Variants in TENM2 observed in about 807,000 individuals in gnomAD.
TENM2 encodes the protein teneurin transmembrane protein 2.
In TENM2, 52 loss-of-function variants were observed where a neutral mutation model predicts 245.2. The ratio of observed to expected loss-of-function variants is 0.21; its 90% CI spans 0.17 to 0.27. The LOEUF is 0.27. Ranked by LOEUF, TENM2 falls within the 10% of genes least tolerant of loss-of-function variation. The pLI is 1.00. For synonymous variants in TENM2, 1,363 were observed against 1,438.9 expected, an observed-to-expected ratio of 0.95 and a Z score of 1.19; for missense variants, 3,046 against 3,666.8, an observed-to-expected ratio of 0.83 and a Z score of 4.37.
At chr5:167,161,898 G>A in the TENM2 span, among the ~76,000 whole-genome samples, 3 of 152,148 alleles carry the variant, frequency 2.0e-5, no homozygotes, top group Non-Finnish European at 2.9e-5. Context: ...GCCGGGTGCA[G>A]TGGCTCACAC....
chr5:167,691,585 C>G (rs895331526), intron 2 of TENM2, among the ~76,000 whole-genome samples: 1 of 152,314 alleles, frequency 6.6e-6, no homozygotes, highest in East Asian at 1.9e-4. Context: ...CTGCCTTCCC[C>G]GCTTCTGTCC....
intron 2 of TENM2, among the ~76,000 whole-genome samples, chr5:167,726,484 G>T (rs1232197367): frequency 6.6e-6 from 1 of 152,062 alleles, no homozygotes; most frequent in Non-Finnish European, 1.5e-5. Context: ...TTTAGAGACA[G>T]GGTCTTACTC....
At chr5:167,370,697 T>G (rs115943683) in intron 1 of TENM2, among the ~76,000 whole-genome samples, 747 of 152,368 alleles carry the variant, frequency 4.9e-3, no homozygotes, top group Non-Finnish European at 7.5e-3. Context: ...ATCATCTATA[T>G]GCACTTTTAT....
chr5:168,189,822 G>C (rs1006583283), intron 13 of TENM2, among the ~76,000 whole-genome samples: 5 of 152,038 alleles, frequency 3.3e-5, no homozygotes, highest in Non-Finnish European at 5.9e-5. Context: ...TGCCCAGGTT[G>C]GTCTCGAATT....
intron 23 of TENM2, among the ~76,000 whole-genome samples, chr5:168,225,171 T>C (rs567999924): frequency 1.3e-5 from 2 of 152,214 alleles, no homozygotes; most frequent in South Asian, 2.1e-4. Context: ...AGTGGAGCCA[T>C]GGCGGTTTAG....
intron 12 of TENM2, among the ~76,000 whole-genome samples, chr5:168,146,217 A>C (rs1260982401): frequency 6.6e-6 from 1 of 151,926 alleles, no homozygotes; most frequent in Non-Finnish European, 1.5e-5. Context: ...CCAACTTCCA[A>C]CTCTTTTTTA....
intron 7 of TENM2, among the ~76,000 whole-genome samples, chr5:168,068,560 A>G (rs997814947): frequency 1.3e-5 from 2 of 152,170 alleles, no homozygotes; most frequent in Admixed American, 6.6e-5. Context: ...GTATAAATAT[A>G]TATGTGTGGA....
In TENM2 at chr5:168,039,860, C is replaced by T. The variant is rs1242411136; in HGVS notation, c.1187-7567C>T. Among the ~76,000 whole-genome samples, 5 of 152,082 alleles carry T rather than the reference C, an allele frequency of 3.3e-5. No individual in the cohort carries two copies. In the East Asian group the frequency reaches 9.6e-4, roughly 29 times the overall value. On this transcript the variant is annotated intron_variant, in intron 5 of 28. Transcript: ENST00000518659. ...ACACTCGCAGTGTCAACAGCACCCA[C>T]CTGCAGTGCACCTGCAGCAGCGGGT...
chr5:168,262,456 G>A (rs1266393240), exon 29 of TENM2: 2 of 1,567,706 alleles, frequency 1.3e-6, no homozygotes, highest in African/African-American at 1.4e-5. Flanking sequence ...CCACGCTGCT[G>A]GTCAACGGCA....
the TENM2 span, among the ~76,000 whole-genome samples, chr5:167,018,227 T>C: frequency 2.0e-5 from 3 of 152,160 alleles, no homozygotes; most frequent in African/African-American, 7.2e-5. Flanking sequence ...TTCTTGTTAC[T>C]CCAAAAGTAA....
At chr5:168,220,592 G>A (rs909602131) in intron 23 of TENM2, among the ~76,000 whole-genome samples, 3 of 152,080 alleles carry the variant, frequency 2.0e-5, no homozygotes, top group African/African-American at 7.2e-5. Flanking sequence ...GGGTTCAAAT[G>A]TATAGGGTTT....
At chr5:168,214,637 A>C (rs1581653061) in intron 20 of TENM2, among the ~76,000 whole-genome samples, 1 of 152,200 alleles carries the variant, frequency 6.6e-6, no homozygotes, top group East Asian at 1.9e-4. Context: ...GAACATTGTC[A>C]CATGGAAGTG....
At chr5:167,422,323 CATA>C (rs1763560447) in intron 2 of TENM2, among the ~76,000 whole-genome samples, 2 of 152,126 alleles carry the variant, frequency 1.3e-5, no homozygotes, top group Admixed American at 1.3e-4. Flanking sequence ...TGCAGTTCAA[CATA>C]ATAATTTCTC....
intron 2 of TENM2, among the ~76,000 whole-genome samples, chr5:167,613,905 A>C (rs995987950): frequency 2.7e-5 from 4 of 147,836 alleles, no homozygotes; most frequent in Non-Finnish European, 4.4e-5. Context: ...ATATTTCTCT[A>C]AGTTAAAAAA....
chr5:167,391,070 A>C (rs1237516418), intron 2 of TENM2, among the ~76,000 whole-genome samples: 1 of 152,016 alleles, frequency 6.6e-6, no homozygotes, highest in Non-Finnish European at 1.5e-5. Context: ...AAACCCACCT[A>C]CCCATCACAT....
At chr5:167,499,762 C>T (rs914110548) in intron 2 of TENM2, among the ~76,000 whole-genome samples, 6 of 151,824 alleles carry the variant, frequency 4.0e-5, no homozygotes, top group South Asian at 2.1e-4. Flanking sequence ...GTATTTGCTC[C>T]GCTTTGATTC....
chr5:168,020,508 C>T (rs866171419), intron 5 of TENM2, among the ~76,000 whole-genome samples: 5 of 152,122 alleles, frequency 3.3e-5, no homozygotes, highest in African/African-American at 1.2e-4. Context: ...GGGTTTTTGA[C>T]GTCGTCATTT....
the TENM2 span, among the ~76,000 whole-genome samples, chr5:167,074,474 A>G: frequency 6.6e-6 from 1 of 152,180 alleles, no homozygotes; most frequent in Non-Finnish European, 1.5e-5. Flanking sequence ...CAGTCACTTT[A>G]GAAAGTACAG....
chr5:167,919,305 C>G (rs1009072319), intron 3 of TENM2, among the ~76,000 whole-genome samples: 2 of 152,166 alleles, frequency 1.3e-5, no homozygotes, highest in African/African-American at 4.8e-5. Context: ...GGGTCCCTCA[C>G]CCTCTCCCCA....
Sources: gnomAD v4.1 joint callset for allele counts (sites outside exome capture counted in the v4.1 genomes callset) on GRCh38, gnomAD v4.1.1 for gene constraint, MANE v1.5 for transcripts, NCBI Gene and HGNC (gene_info 2026-07-23, HGNC 2026-07-21) for gene names.